The following RXRA variants were observed in gnomAD, a reference collection of about 807,000 sequenced individuals.
The protein encoded by RXRA is retinoic acid receptor RXR-alpha.
In RXRA, 5 loss-of-function variants were observed where a neutral mutation model predicts 44.5. The observed-to-expected ratio is 0.11, with a 90% confidence interval of 0.06 to 0.24. The LOEUF (loss-of-function observed/expected upper bound fraction) is 0.24, where lower values mean the gene tolerates loss of function less well. Ranked by LOEUF, RXRA falls within the 10% of genes least tolerant of loss-of-function variation. The probability of loss-of-function intolerance (pLI) is 1.00; values close to 1 mark genes in which losing one functional copy is unlikely to be tolerated. For synonymous variants in RXRA, 291 were observed against 271.4 expected (o/e 1.07, Z -0.71); for missense variants, 412 against 646.5 (o/e 0.64, Z 3.93).
Position 134,433,714 on chromosome 9 carries a change from G to C in RXRA, c.1136-388G>C, listed in dbSNP as rs1831569732. 6.6e-6 allele frequency among the ~76,000 whole-genome samples: 1 copy of C among 152,144 alleles called. No homozygotes were observed. The highest frequency in any genetic ancestry group is 6.5e-5 in the Admixed American group (1 of 15,286). On this transcript the variant is annotated intron_variant, in intron 8 of 9. Coordinates refer to ENST00000481739, the MANE Select transcript of RXRA (RefSeq NM_002957.6). The surrounding 1 kb of genome is among the most constrained non-coding windows in gnomAD (Gnocchi z 4.2). ...CAGCGCTATCTCCCATCCATGTTAT[G>C]GGGCTGGGACCCAAGGGCAGCAGCA...
chr9:134,435,635 C>T (rs550431279), intron 9 of RXRA, among the ~76,000 whole-genome samples: 1 of 152,316 alleles, frequency 6.6e-6, no homozygotes, highest in East Asian at 1.9e-4. Context: ...CGTTACACAG[C>T]TCCCAAGTCA....
At chr9:134,386,524 C>T (rs1830722902) in intron 1 of RXRA, among the ~76,000 whole-genome samples, 1 of 152,168 alleles carries the variant, frequency 6.6e-6, no homozygotes, top group Non-Finnish European at 1.5e-5. Context: ...TCGGGAGAGG[C>T]TGGGGAGGTA....
chr9:134,350,081 G>GT (rs1830202745), intron 1 of RXRA, among the ~76,000 whole-genome samples: 1 of 151,950 alleles, frequency 6.6e-6, no homozygotes, highest in Non-Finnish European at 1.5e-5. Flanking sequence ...TGTGTAGGGG[G>GT]GGGTGGAAGG....
At chr9:134,335,259 T>A (rs1554747147) in intron 1 of RXRA, among the ~76,000 whole-genome samples, 1 of 152,180 alleles carries the variant, frequency 6.6e-6, no homozygotes, top group Non-Finnish European at 1.5e-5. Context: ...TGTATGGCCC[T>A]GGGCTAGCAA....
intron 1 of RXRA, among the ~76,000 whole-genome samples, chr9:134,376,871 T>C (rs923455164): frequency 1.3e-5 from 2 of 152,214 alleles, no homozygotes; most frequent in African/African-American, 2.4e-5. Context: ...TGAGGGCACC[T>C]TGGGCGTCGA....
intron 1 of RXRA, among the ~76,000 whole-genome samples, chr9:134,368,912 TGTG>T (rs1421391245): frequency 1.0e-4 from 10 of 100,360 alleles, no homozygotes; most frequent in South Asian, 3.3e-4. Flanking sequence ...GTGTGGGGGT[TGTG>T]TGTGTGTGTG....
Position 134,434,172 on chromosome 9 carries a change from C to T in RXRA, c.1206C>T (p.Ala402=). 1.2e-6 allele frequency: 2 copies of T among 1,613,672 alleles called. No individual in the cohort carries two copies. Among genetic ancestry groups the T allele is most frequent in the Non-Finnish European group, 8.5e-7 (1 of 1,179,812 alleles). ...LREKVYASLE[A]YCKHKYPEQP... is the part of the protein sequence containing the mutation. ...AGAAGGTCTATGCGTCCTTGGAGGCCTACTGCAAGCACAAGTACCCAGAGC... is the reference window on the plus strand; with the variant it reads ...AGAAGGTCTATGCGTCCTTGGAGGCTTACTGCAAGCACAAGTACCCAGAGC... The change falls in exon 9 of 10, where the codon GCC becomes GCT. Residue 402 remains alanine (A), a synonymous_variant. Transcript: ENST00000481739.
intron 4 of RXRA, among the ~76,000 whole-genome samples, chr9:134,412,579 C>A (rs1308688605): frequency 1.3e-5 from 2 of 152,210 alleles, no homozygotes; most frequent in Non-Finnish European, 2.9e-5. Context: ...CACGCGCAGG[C>A]AGCCACCAGG....
chr9:134,381,033 G>A (rs1029292121), intron 1 of RXRA, among the ~76,000 whole-genome samples: 2 of 152,198 alleles, frequency 1.3e-5, no homozygotes, highest in Non-Finnish European at 2.9e-5. Flanking sequence ...GTCTGAACCC[G>A]GTGGGGCCTC....
chr9:134,327,667 G>T (rs1554746199), intron 1 of RXRA, among the ~76,000 whole-genome samples: 1 of 152,162 alleles, frequency 6.6e-6, no homozygotes, highest in East Asian at 1.9e-4. Context: ...GCAGCCTGGG[G>T]TGCAGCTTGG....
At chr9:134,369,857 C>T (rs929941493) in intron 1 of RXRA, among the ~76,000 whole-genome samples, 2 of 152,128 alleles carry the variant, frequency 1.3e-5, no homozygotes, top group South Asian at 2.1e-4. Flanking sequence ...TAACCTGAAA[C>T]TTTACAGACT....
Position 134,434,186 on chromosome 9 carries a change from A to G in RXRA, c.1220A>G (p.Lys407Arg). ...YASLEAYCKH[K>R]YPEQPGRFAK... ...TCCTTGGAGGCCTACTGCAAGCACA[A>G]GTACCCAGAGCAGCCGGGAAGGTGG... The change falls in exon 9 of 10, where the codon AAG (lysine) becomes AGG (arginine). Residue 407 changes from lysine to arginine, a missense_variant. Coordinates refer to ENST00000481739, the MANE Select transcript of RXRA (RefSeq NM_002957.6). 6.2e-7 allele frequency: 1 copy of G among 1,613,310 alleles called. No individual in the cohort carries two copies. Among genetic ancestry groups the G allele is most frequent in the Non-Finnish European group, 8.5e-7 (1 of 1,179,588 alleles).
intron 1 of RXRA, among the ~76,000 whole-genome samples, chr9:134,363,805 T>G (rs1333433726): frequency 1.3e-5 from 2 of 152,136 alleles, no homozygotes; most frequent in African/African-American, 4.8e-5. Context: ...GACCTGAGCA[T>G]GGGGATCCCG....
intron 1 of RXRA, among the ~76,000 whole-genome samples, chr9:134,345,837 G>A (rs542470756): frequency 1.3e-5 from 2 of 152,164 alleles, no homozygotes; most frequent in Admixed American, 6.5e-5. Flanking sequence ...GACTAAACAC[G>A]TGTCAGTTCC....
intron 1 of RXRA, among the ~76,000 whole-genome samples, chr9:134,376,493 C>A (rs62576341): frequency 0.74 from 112,744 of 152,092 alleles, 42,002 homozygotes; most frequent in East Asian, 0.81. Flanking sequence ...CCCTGCCGCC[C>A]GCCACACTCT....
intron 2 of RXRA, 38 bp from the exon 3 acceptor site, chr9:134,408,111 G>A (rs766828821): frequency 8.7e-6 from 13 of 1,497,466 alleles, no homozygotes; most frequent in Non-Finnish European, 1.8e-6. Flanking sequence ...GACAAACCTG[G>A]TGTACACCCC....
chr9:134,336,304 TCTC>T (rs1332876569), intron 1 of RXRA, among the ~76,000 whole-genome samples: 2 of 152,030 alleles, frequency 1.3e-5, no homozygotes, highest in Non-Finnish European at 2.9e-5. Context: ...TGACCCACCT[TCTC>T]CTGAGGCTGG....
chr9:134,384,704 A>T (rs1830693860), intron 1 of RXRA, among the ~76,000 whole-genome samples: 2 of 152,016 alleles, frequency 1.3e-5, no homozygotes. Flanking sequence ...CCTGGGGGCG[A>T]GGGTTCTCTG....
chr9:134,423,996 T>C, intron 6 of RXRA: 1 of 985,448 alleles, frequency 1.0e-6, no homozygotes, highest in South Asian at 4.7e-5. Flanking sequence ...GTTGGATGGC[T>C]GTGTCCGTCG....
Sources: allele counts gnomAD v4.1 joint callset (sites outside exome capture counted in the v4.1 genomes callset), GRCh38; gene constraint gnomAD v4.1.1; non-coding constraint Gnocchi (gnomAD v3.1); transcripts MANE v1.5; gene names NCBI Gene and HGNC (gene_info 2026-07-23, HGNC 2026-07-21).